KDM3B: variants seen among roughly 807,000 people sequenced by gnomAD.
KDM3B encodes lysine demethylase 3B.
A neutral mutation model predicts 170.0 loss-of-function variants in KDM3B; 10 were observed. The observed-to-expected ratio is 0.06, with a 90% CI of 0.04 to 0.10. KDM3B has a LOEUF of 0.10. Among genes scored for constraint, KDM3B ranks in the 10% least tolerant of loss-of-function variants. The pLI is 1.00. For missense variants in KDM3B, 1,394 were observed against 2,195.2 expected (o/e 0.64, Z 7.29); for synonymous variants, 831 against 834.8 (o/e 1.00, Z 0.08).
At chr5:138,354,554 G>A (rs1761406594) in intron 1 of KDM3B, among the ~76,000 whole-genome samples, 1 of 152,184 alleles carries the variant, frequency 6.6e-6, no homozygotes. Context: ...TCCATCAGAT[G>A]AATTGCTAAT....
intron 15 of KDM3B, among the ~76,000 whole-genome samples, chr5:138,422,416 C>A (rs111430285): frequency 0.027 from 4,147 of 152,248 alleles, 83 homozygotes; most frequent in Middle Eastern, 0.037. Flanking sequence ...GCGGACAGAT[C>A]ACTTGAGGTC....
intron 3 of KDM3B, 97 bp from the exon 4 acceptor site, chr5:138,377,623 T>G: frequency 1.2e-6 from 1 of 811,174 alleles, no homozygotes; most frequent in Non-Finnish European, 2.1e-6. Flanking sequence ...TTGGCAAATG[T>G]TGATATACAG....
At chr5:138,357,588 C>T (rs376870556) in intron 1 of KDM3B, among the ~76,000 whole-genome samples, 1 of 152,116 alleles carries the variant, frequency 6.6e-6, no homozygotes, top group South Asian at 2.1e-4. Flanking sequence ...GTCTTGAACT[C>T]CAGTCAAGCA....
chr5:138,411,396 T>C (rs988643287), intron 11 of KDM3B, among the ~76,000 whole-genome samples: 1 of 152,224 alleles, frequency 6.6e-6, no homozygotes, highest in Non-Finnish European at 1.5e-5. Flanking sequence ...GATATTCATA[T>C]ATAATCATAT....
intron 6 of KDM3B, among the ~76,000 whole-genome samples, chr5:138,383,476 T>G (rs1762175957): frequency 6.6e-6 from 1 of 152,178 alleles, no homozygotes; most frequent in Non-Finnish European, 1.5e-5. Context: ...TGGGTCTTCC[T>G]TTTTTGGTAT....
At chr5:138,409,237 C>T (rs1287513574) in intron 11 of KDM3B, among the ~76,000 whole-genome samples, 1 of 152,022 alleles carries the variant, frequency 6.6e-6, no homozygotes, top group African/African-American at 2.4e-5. Context: ...AAGAGACATA[C>T]AGATTGGAAA....
At chr5:138,355,942 A>C (rs1034641625) in intron 1 of KDM3B, among the ~76,000 whole-genome samples, 2 of 152,150 alleles carry the variant, frequency 1.3e-5, no homozygotes, top group Non-Finnish European at 2.9e-5. Flanking sequence ...AACCGTATAC[A>C]AAGAGTTCCC....
chr5:138,354,997 G>A (rs1284064649), intron 1 of KDM3B, among the ~76,000 whole-genome samples: 1 of 152,156 alleles, frequency 6.6e-6, no homozygotes, highest in Non-Finnish European at 1.5e-5. Flanking sequence ...GGATGAGAAT[G>A]GGCCGTTTTC....
intron 11 of KDM3B, among the ~76,000 whole-genome samples, chr5:138,407,237 C>T (rs1762847300): frequency 6.6e-6 from 1 of 152,226 alleles, no homozygotes; most frequent in Non-Finnish European, 1.5e-5. Flanking sequence ...CTGCCTGCCT[C>T]AGCCTCCCAA....
At chr5:138,359,376 G>A (rs1761540969) in intron 1 of KDM3B, among the ~76,000 whole-genome samples, 2 of 151,540 alleles carry the variant, frequency 1.3e-5, no homozygotes. Context: ...TGTCCAGGCT[G>A]GTCTTGAACT....
chr5:138,352,922 C>A lies in KDM3B; in HGVS notation c.127C>A (p.Arg43Ser). The A allele has an allele frequency of 7.5e-7, 1 of 1,338,630 alleles. No individual in the cohort carries two copies. 82.9% of individuals were successfully genotyped at this position (1,338,630 alleles called of 1,614,324 possible). A position where few individuals can be genotyped will look rare whatever the true frequency, so the allele number is the denominator to read the frequency against. The change falls in exon 1 of 24, where the codon CGC becomes AGC. Residue 43 changes from arginine to serine, a missense_variant. Around this residue, in one of 19 missense-constraint regions of KDM3B, gnomAD observed 99 missense variants for 97.5 expected, o/e 1.02. Transcript: ENST00000314358. ...AASGDPGPALRTRAWRAGTVR... is the reference protein window; with the variant it reads ...AASGDPGPALSTRAWRAGTVR... ...GAGCGGAGATCCGGGGCCTGCGCTGCGCACTCGAGCCTGGCGGGCCGGCAC... is the reference window on the plus strand; with the variant it reads ...GAGCGGAGATCCGGGGCCTGCGCTGAGCACTCGAGCCTGGCGGGCCGGCAC...
intron 1 of KDM3B, among the ~76,000 whole-genome samples, chr5:138,364,866 C>T (rs1761707135): frequency 6.6e-6 from 1 of 152,194 alleles, no homozygotes; most frequent in African/African-American, 2.4e-5. Flanking sequence ...ACTATATGTG[C>T]TGGAGTTTTT....
In KDM3B at chr5:138,391,671, C is replaced by T. The variant is rs150680707; in HGVS notation, c.2039C>T (p.Ser680Phe). The change falls in exon 8 of 24, where the codon TCT becomes TTT. Residue 680 changes from serine to phenylalanine, a missense_variant. Around this residue, in one of 19 missense-constraint regions of KDM3B, gnomAD observed 294 missense variants for 311.7 expected, o/e 0.94. Transcript: ENST00000314358. The surrounding 1 kb of genome is among the most constrained non-coding windows in gnomAD (Gnocchi z 5.0). ...CCCAGCTGGCCCGAGTCTCACTCCT[C>T]TGCAGATTCGGCATCTTTAGCAAAG... ...VAPSWPESHS[S>F]ADSASLAKKK... 6.2e-7 allele frequency: 1 copy of T among 1,614,110 alleles called. No homozygotes were observed. Among genetic ancestry groups the T allele is most frequent in the East Asian group, 2.2e-5 (1 of 44,884 alleles).
intron 1 of KDM3B, among the ~76,000 whole-genome samples, chr5:138,365,604 G>A (rs1373127082): frequency 6.6e-6 from 1 of 151,674 alleles, no homozygotes; most frequent in Non-Finnish European, 1.5e-5. Context: ...GGTTATTACT[G>A]CTTCATAATT....
At chr5:138,430,549 AT>A in intron 22 of KDM3B, 124 bp downstream of exon 22, 1 of 873,756 alleles carries the variant, frequency 1.1e-6, no homozygotes, top group Non-Finnish European at 1.7e-6. Context: ...GCTGCAACTT[AT>A]TTTATGCTTT....
At chr5:138,353,075 G>C (rs574764569) in intron 1 of KDM3B, 88 bp downstream of exon 1, 2 of 696,394 alleles carry the variant, frequency 2.9e-6, no homozygotes, top group East Asian at 9.5e-5. Context: ...GGGGCGGTGG[G>C]ATGGGGGTGA....
intron 23 of KDM3B, among the ~76,000 whole-genome samples, chr5:138,432,878 G>A (rs1201618737): frequency 6.6e-6 from 1 of 151,266 alleles, no homozygotes; most frequent in Non-Finnish European, 1.5e-5. Flanking sequence ...CCGAGTAGCT[G>A]GGACTACAGA....
intron 6 of KDM3B, among the ~76,000 whole-genome samples, chr5:138,385,636 C>T (rs1762242061): frequency 6.6e-6 from 1 of 152,174 alleles, no homozygotes; most frequent in Admixed American, 6.6e-5. Context: ...TTCTTTCAAG[C>T]AAGGAGGTAA....
chr5:138,366,957 C>T (rs1301158778), intron 1 of KDM3B, among the ~76,000 whole-genome samples: 3 of 152,206 alleles, frequency 2.0e-5, no homozygotes, highest in African/African-American at 7.2e-5. Flanking sequence ...TAGCCTCCTC[C>T]TACTACTACT....
Sources: gnomAD v4.1 joint callset for allele counts (sites outside exome capture counted in the v4.1 genomes callset) on GRCh38, gnomAD v4.1.1 for gene constraint, gnomAD v4.1.1 regional missense constraint, Gnocchi (gnomAD v3.1) non-coding constraint, MANE v1.5 for transcripts, NCBI Gene and HGNC (gene_info 2026-07-23, HGNC 2026-07-21) for gene names.